JADE3: variants seen among roughly 807,000 people sequenced by gnomAD.
The protein encoded by JADE3 is jade family PHD finger 3.
In JADE3, 2 loss-of-function variants were observed where a neutral mutation model predicts 50.1. The ratio of observed to expected loss-of-function variants is 0.04; its 90% CI spans 0.02 to 0.13. The LOEUF (loss-of-function observed/expected upper bound fraction) is 0.13. Among genes scored for constraint, JADE3 ranks in the 10% least tolerant of loss-of-function variants. The pLI is 1.00. For synonymous variants in JADE3, 218 were observed against 232.9 expected (o/e 0.94, Z 0.58); for missense variants, 475 against 634.4 (o/e 0.75, Z 2.70).
intron 1 of JADE3, among the ~76,000 whole-genome samples, chrX:46,929,009 C>T (rs1556339416): frequency 8.9e-6 from 1 of 112,025 alleles, no homozygotes; most frequent in Admixed American, 9.5e-5. Context: ...TGCTGCTTTG[C>T]CATGCTACCG....
intron 4 of JADE3, among the ~76,000 whole-genome samples, chrX:47,013,210 C>T (rs969259027): frequency 2.7e-5 from 3 of 110,965 alleles, no homozygotes; most frequent in African/African-American, 6.6e-5. Context: ...GATGGGATCT[C>T]GCTATGTTGC....
chrX:47,005,321 A>G (rs1389730030), intron 4 of JADE3, among the ~76,000 whole-genome samples: 3 of 110,952 alleles, frequency 2.7e-5, no homozygotes, highest in Admixed American at 1.9e-4. Flanking sequence ...GCTTACTGCA[A>G]CCTTCGCCTC....
chrX:47,018,339 CT>C (rs782308666), intron 4 of JADE3, among the ~76,000 whole-genome samples: 44 of 103,330 alleles, frequency 4.3e-4, no homozygotes, highest in East Asian at 6.0e-4. Context: ...AGAGCACTTT[CT>C]TTTTTTTTTT....
intron 8 of JADE3, among the ~76,000 whole-genome samples, chrX:47,044,136 C>T (rs1184293692): frequency 9.0e-6 from 1 of 111,007 alleles, no homozygotes; most frequent in Admixed American, 9.6e-5. Context: ...AGAGAACTTC[C>T]CAAATGTAGA....
chrX:47,003,866 T>G (rs1353512162), intron 4 of JADE3, among the ~76,000 whole-genome samples: 1 of 101,791 alleles, frequency 9.8e-6, no homozygotes, highest in Non-Finnish European at 2.0e-5. Flanking sequence ...AAATTTATTT[T>G]TATATATTTA....
At chrX:46,938,200 T>C (rs1320146519) in intron 1 of JADE3, among the ~76,000 whole-genome samples, 1 of 111,924 alleles carries the variant, frequency 8.9e-6, no homozygotes, top group Non-Finnish European at 1.9e-5. Flanking sequence ...GATATGATTG[T>C]TTTACATCTG....
At chrX:46,919,192 T>C (rs1381223484) in intron 1 of JADE3, among the ~76,000 whole-genome samples, 1 of 112,095 alleles carries the variant, frequency 8.9e-6, no homozygotes, top group African/African-American at 3.2e-5. Flanking sequence ...TAGATATTCT[T>C]GTGAGTGGCT....
intron 6 of JADE3, among the ~76,000 whole-genome samples, chrX:47,030,293 A>C (rs1320535594): frequency 1.8e-5 from 2 of 111,442 alleles, no homozygotes; most frequent in Non-Finnish European, 3.8e-5. Flanking sequence ...AATTATCTCC[A>C]ATGCTATTTA....
chrX:46,927,060 A>G (rs1250230516), intron 1 of JADE3, among the ~76,000 whole-genome samples: 1 of 112,183 alleles, frequency 8.9e-6, no homozygotes, highest in Non-Finnish European at 1.9e-5. Flanking sequence ...TTCATGGTAA[A>G]ACTAGTTAGC....
intron 8 of JADE3, among the ~76,000 whole-genome samples, chrX:47,053,051 G>A (rs1437802865): frequency 3.6e-5 from 4 of 109,718 alleles, no homozygotes; most frequent in Non-Finnish European, 5.7e-5. Context: ...GTGAGACACC[G>A]TCTAAAAAAA....
At chrX:46,930,559 C>T (rs1420888289) in intron 1 of JADE3, among the ~76,000 whole-genome samples, 1 of 112,239 alleles carries the variant, frequency 8.9e-6, no homozygotes, top group African/African-American at 3.2e-5. Flanking sequence ...ATGACCATGG[C>T]AGGTTTTCAG....
intron 1 of JADE3, among the ~76,000 whole-genome samples, chrX:46,915,843 C>T (rs964943107): frequency 3.2e-4 from 35 of 110,942 alleles, no homozygotes; most frequent in Non-Finnish European, 5.1e-4. Flanking sequence ...AGAAGACAGC[C>T]GACTGAATAA....
chrX:46,916,099 A>G (rs1012858098), intron 1 of JADE3, among the ~76,000 whole-genome samples: 2 of 111,887 alleles, frequency 1.8e-5, no homozygotes, highest in Non-Finnish European at 3.8e-5. Flanking sequence ...ACAAGAATAT[A>G]TGATACCAGC....
chrX:47,061,036 A>G lies in JADE3; in HGVS notation c.*1959A>G, dbSNP rs930019779. The G allele has an allele frequency of 1.2e-4, 14 of 112,146 alleles. No homozygotes were observed. The highest frequency in any genetic ancestry group is 4.5e-4 in the African/African-American group (14 of 30,811). The allele number at this position is 112,146 out of a possible 1,213,427, so 9.2% of individuals were successfully genotyped here. The stretch of plus-strand genomic sequence containing the variant: ...TGTAATATTTTTACAGGATATTCCT[A>G]GGTAAATGAAGGAGCCTTCAGTTGT... On this transcript the variant is annotated 3_prime_UTR_variant, in exon 11 of 11. Transcript: ENST00000614628.
chrX:46,985,058 G>A (rs1467201351), intron 2 of JADE3, 118 bp downstream of exon 2: 1 of 569,109 alleles, frequency 1.8e-6, no homozygotes, highest in Non-Finnish European at 2.9e-6. Flanking sequence ...ATGTTTCTGA[G>A]AAGGAAAATT....
At chrX:46,939,492 A>C in intron 1 of JADE3, among the ~76,000 whole-genome samples, 1 of 111,736 alleles carries the variant, frequency 8.9e-6, no homozygotes, top group Non-Finnish European at 1.9e-5. Flanking sequence ...CTCTCTTTCA[A>C]TGATGTGGAA....
intron 1 of JADE3, among the ~76,000 whole-genome samples, chrX:46,919,769 G>T (rs1479256450): frequency 1.8e-5 from 2 of 111,344 alleles, no homozygotes; most frequent in African/African-American, 6.5e-5. Context: ...CCAGAAAATT[G>T]CCTGGTGGTA....
At chrX:47,012,973 T>C (rs782117522) in intron 4 of JADE3, among the ~76,000 whole-genome samples, 2 of 111,610 alleles carry the variant, frequency 1.8e-5, no homozygotes, top group Non-Finnish European at 3.8e-5. Flanking sequence ...AAAGCATAGT[T>C]ATTGAATTAG....
chrX:47,038,608 T>C (rs1929184462), intron 7 of JADE3, among the ~76,000 whole-genome samples: 1 of 102,742 alleles, frequency 9.7e-6, no homozygotes, highest in African/African-American at 3.6e-5. Flanking sequence ...AAGCCATGAT[T>C]GCACCACTGA....
Sources: allele counts gnomAD v4.1 joint callset (sites outside exome capture counted in the v4.1 genomes callset), GRCh38; gene constraint gnomAD v4.1.1; transcripts MANE v1.5; gene names NCBI Gene and HGNC (gene_info 2026-07-23, HGNC 2026-07-21).